C5orf63: variants seen among roughly 807,000 people sequenced by gnomAD.
C5orf63 encodes glutaredoxin-like protein C5orf63.
In C5orf63, 18 loss-of-function variants were observed where a neutral mutation model predicts 13.3. The ratio of observed to expected loss-of-function variants is 1.36; its 90% CI spans 0.94 to 2.01. The LOEUF is 2.01. C5orf63 is among the 30% of genes most tolerant of loss of function. C5orf63 has a pLI of 0.00. For synonymous variants in C5orf63, 38 were observed against 44.7 expected (o/e 0.85, Z 0.60); for missense variants, 118 against 127.7 (o/e 0.92, Z 0.36).
intron 2 of C5orf63, among the ~76,000 whole-genome samples, chr5:127,070,966 T>G (rs1467777234): frequency 6.6e-6 from 1 of 152,238 alleles, no homozygotes; most frequent in East Asian, 1.9e-4. Context: ...AGTAACAACC[T>G]GAAAGGAGGT....
At chr5:127,065,072 G>A (rs1228626147) in intron 2 of C5orf63, among the ~76,000 whole-genome samples, 1 of 151,972 alleles carries the variant, frequency 6.6e-6, no homozygotes, top group East Asian at 1.9e-4. Flanking sequence ...AACTCCACAT[G>A]TTTGATACAA....
intron 3 of C5orf63, among the ~76,000 whole-genome samples, chr5:127,055,501 A>G (rs1753847746): frequency 2.0e-5 from 3 of 152,178 alleles, no homozygotes; most frequent in Non-Finnish European, 4.4e-5. Context: ...GAGATAAGCT[A>G]TTATGTAAAA....
At chr5:127,056,082 G>T (rs989869174) in intron 3 of C5orf63, among the ~76,000 whole-genome samples, 1 of 152,116 alleles carries the variant, frequency 6.6e-6, no homozygotes. Context: ...TCCCTTTCTT[G>T]TAGCAAGCGT....
At chr5:127,057,940 C>T (rs745439043) in intron 3 of C5orf63, among the ~76,000 whole-genome samples, 17 of 152,046 alleles carry the variant, frequency 1.1e-4, no homozygotes, top group Non-Finnish European at 8.8e-5. Context: ...TACATGTGTT[C>T]GATAAGCTTC....
At chr5:127,065,500 A>C (rs1023902679) in intron 2 of C5orf63, among the ~76,000 whole-genome samples, 11 of 152,192 alleles carry the variant, frequency 7.2e-5, no homozygotes, top group Non-Finnish European at 1.6e-4. Context: ...GGTTAGACAC[A>C]AAGGTAATGG....
chr5:127,043,653 G>A (rs746838360), downstream of C5orf63: 5 of 152,220 alleles, frequency 3.3e-5, no homozygotes, highest in South Asian at 1.0e-3. Flanking sequence ...GTAAGGTGGA[G>A]TGAAATCCTA....
chr5:127,060,909 T>C (rs74394071), intron 2 of C5orf63, among the ~76,000 whole-genome samples: 2,606 of 152,318 alleles, frequency 0.017, 36 homozygotes, highest in Non-Finnish European at 0.025. Flanking sequence ...TCCACTACAA[T>C]GCAAGTTCTA....
At chr5:127,071,353 A>G (rs1479727038) in intron 2 of C5orf63, among the ~76,000 whole-genome samples, 1 of 152,200 alleles carries the variant, frequency 6.6e-6, no homozygotes, top group Non-Finnish European at 1.5e-5. Context: ...AGGAACTTTA[A>G]CTTTGGTAAG....
At chr5:127,067,362 T>C (rs1369298168) in intron 2 of C5orf63, among the ~76,000 whole-genome samples, 5 of 152,204 alleles carry the variant, frequency 3.3e-5, no homozygotes, top group Non-Finnish European at 5.9e-5. Flanking sequence ...ATGAAACATT[T>C]AAATCTCTAT....
intron 3 of C5orf63, 51 bp from the exon 4 acceptor site, chr5:127,052,720 C>T: frequency 2.2e-6 from 3 of 1,392,068 alleles, no homozygotes; most frequent in Middle Eastern, 1.8e-4. Context: ...ATGGCATTTG[C>T]CCTTACAAAA....
intron 2 of C5orf63, among the ~76,000 whole-genome samples, chr5:127,066,719 C>A (rs893666327): frequency 4.0e-5 from 6 of 151,704 alleles, no homozygotes; most frequent in African/African-American, 1.5e-4. Flanking sequence ...GAGTCTCCAT[C>A]GGTTTAAGGA....
chr5:127,059,192 C>T (rs6860157), intron 2 of C5orf63, among the ~76,000 whole-genome samples, 190 bp from the exon 3 acceptor site: 53 of 151,974 alleles, frequency 3.5e-4, no homozygotes, highest in Non-Finnish European at 6.6e-4. Flanking sequence ...GTATTCCGAA[C>T]GAAACAGAAT....
chr5:127,050,349 TA>T (rs895796383), downstream of C5orf63, among the ~76,000 whole-genome samples: 49 of 152,118 alleles, frequency 3.2e-4, no homozygotes, highest in African/African-American at 6.5e-4. Flanking sequence ...TTTTCTCTTT[TA>T]TTTTTTTTTT....
downstream of C5orf63, chr5:127,046,680 A>G (rs1012713157): frequency 3.3e-5 from 5 of 152,252 alleles, no homozygotes; most frequent in African/African-American, 1.2e-4. Context: ...GGCTCCTTCT[A>G]TAGATTTGGT....
intron 2 of C5orf63, among the ~76,000 whole-genome samples, chr5:127,071,313 G>A (rs545464960): frequency 6.6e-6 from 1 of 152,096 alleles, no homozygotes; most frequent in Non-Finnish European, 1.5e-5. Flanking sequence ...AAAAATAGTA[G>A]GTAGGTTCTT....
downstream of C5orf63, chr5:127,042,719 CT>C (rs1299244381): frequency 6.6e-6 from 1 of 151,874 alleles, no homozygotes; most frequent in African/African-American, 2.4e-5. Context: ...ATAATGAAGA[CT>C]TATAAGGATC....
chr5:127,051,264 A>C, downstream of C5orf63: 2 of 1,177,758 alleles, frequency 1.7e-6, no homozygotes, highest in South Asian at 4.5e-5. Flanking sequence ...AATTTTAAAC[A>C]GGTATTATTA....
downstream of C5orf63, chr5:127,047,831 A>C: frequency 1.4e-6 from 1 of 703,840 alleles, no homozygotes; most frequent in South Asian, 1.5e-5. Flanking sequence ...CTTTTCCCCG[A>C]CTGAGAAGCC....
chr5:127,058,656 TCAA>T, intron 3 of C5orf63: 1 of 464,152 alleles, frequency 2.2e-6, no homozygotes, highest in Non-Finnish European at 3.8e-6. Context: ...TTCATTTTTT[TCAA>T]TGTAGGGGCC....
Sources: allele counts gnomAD v4.1 joint callset (sites outside exome capture counted in the v4.1 genomes callset), GRCh38; gene constraint gnomAD v4.1.1; transcripts MANE v1.5; gene names NCBI Gene and HGNC (gene_info 2026-07-23, HGNC 2026-07-21).